ZNF665: variants seen among roughly 807,000 people sequenced by gnomAD.
ZNF665 encodes zinc finger protein 665.
ZNF665 carries 6 observed loss-of-function variants against 7.9 expected under a neutral mutation model. The observed-to-expected ratio is 0.76, with a 90% CI of 0.42 to 1.50. The LOEUF (loss-of-function observed/expected upper bound fraction) is 1.50, where lower values mean the gene tolerates loss of function less well. ZNF665 is among the 40% of genes most tolerant of loss of function. The pLI, the probability that ZNF665 is intolerant of heterozygous loss-of-function variation, is 0.01. For synonymous variants in ZNF665, 242 were observed against 274.5 expected, an observed-to-expected ratio of 0.88 and a Z score of 1.17; for missense variants, 819 against 806.7, an observed-to-expected ratio of 1.02 and a Z score of -0.18.
rs1314008744 is a variant in ZNF665 at position 53,165,746 on chromosome 19, G to T, written c.744C>A (p.Asn248Lys). 1.9e-6 allele frequency: 3 copies of T among 1,614,058 alleles called. No individual in the cohort carries two copies. Among genetic ancestry groups the T allele is most frequent in the South Asian group, 2.2e-5 (2 of 91,080 alleles). ...TATGAATTCTCTGATGACCTGCAAG[G>T]TTTGAAGGTTGACTGAAGACCTTTC... ...ECGKVFSQPSNLAGHQRIHTG... is the reference protein window; with the variant it reads ...ECGKVFSQPSKLAGHQRIHTG... The change falls in exon 4 of 4, where the codon AAC becomes AAA. Residue 248 changes from asparagine to lysine, a missense_variant. Transcript: ENST00000396424.
intron 1 of ZNF665, among the ~76,000 whole-genome samples, chr19:53,184,494 C>T (rs1297272693): frequency 6.6e-6 from 1 of 152,086 alleles, no homozygotes; most frequent in Non-Finnish European, 1.5e-5. Flanking sequence ...GCCTGTTCCA[C>T]CTCCCAGCAG....
At chr19:53,179,793 G>A (rs543073537) in intron 2 of ZNF665, 10 of 152,256 alleles carry the variant, frequency 6.6e-5, no homozygotes, top group African/African-American at 2.4e-4. Flanking sequence ...ACTGGGAACT[G>A]AGCCATCAAT....
chr19:53,171,283 G>C (rs2090654962), intron 3 of ZNF665, among the ~76,000 whole-genome samples: 1 of 151,912 alleles, frequency 6.6e-6, no homozygotes, highest in Non-Finnish European at 1.5e-5. Context: ...ACCGCATGCG[G>C]CAAGAGATCA....
intron 3 of ZNF665, among the ~76,000 whole-genome samples, chr19:53,168,925 C>T (rs1175143685): frequency 1.3e-5 from 2 of 151,964 alleles, no homozygotes; most frequent in Admixed American, 6.6e-5. Flanking sequence ...TACCTCATTC[C>T]ATATAGAAAA....
intron 2 of ZNF665, among the ~76,000 whole-genome samples, chr19:53,179,247 A>G (rs555915461): frequency 7.9e-4 from 120 of 151,906 alleles, no homozygotes; most frequent in African/African-American, 1.8e-3. Context: ...GTGGTGGCGG[A>G]CGCCTGTAGT....
chr19:53,165,541 G>C lies in ZNF665; in HGVS notation c.949C>G (p.Pro317Ala), dbSNP rs780253052. 8.1e-6 allele frequency: 13 copies of C among 1,614,018 alleles called. No homozygotes were observed. In the East Asian group the frequency reaches 8.9e-5, roughly 11 times the overall value. Residue 317 changes from proline (P) to alanine (A), a missense_variant, in exon 4 of 4, where the codon CCT becomes GCT. Physicochemically the swap from Pro to Ala is conservative, Grantham distance 27. Transcript: ENST00000396424. Reference protein sequence around the residue: ...SHRRIHTGEKPYKCNECGKAF... With the variant: ...SHRRIHTGEKAYKCNECGKAF... ...TTGCCACACTCATTACACTTGTAAG[G>C]CTTCTCCCCAGTATGAATTCTTCGA... is the stretch of plus-strand genomic sequence containing the variant.
chr19:53,165,545 C>T lies in ZNF665; in HGVS notation c.945G>A (p.Glu315=), dbSNP rs751860749. The T allele has an allele frequency of 1.4e-5, 22 of 1,614,014 alleles. No individual in the cohort carries two copies. Among genetic ancestry groups the T allele is most frequent in the East Asian group, 6.7e-5 (3 of 44,872 alleles). The change falls in exon 4 of 4, where the codon GAG becomes GAA. Residue 315 remains glutamate (E), a synonymous_variant. Transcript: ENST00000396424. ...LASHRRIHTG[E]KPYKCNECGK... ...CACACTCATTACACTTGTAAGGCTT[C>T]TCCCCAGTATGAATTCTTCGATGAC...
Position 53,193,331 on chromosome 19 carries a change from A to C in ZNF665, c.-65T>G, listed in dbSNP as rs983742295. On this transcript the variant is annotated 5_prime_UTR_variant, in exon 1 of 4. Transcript: ENST00000396424. Reference sequence around the variant, plus strand: ...ACTCACGCGGCGACTAACAGCCTTCACTCCAAGAGATCTGCTTCCGGGTTT... The same window carrying C: ...ACTCACGCGGCGACTAACAGCCTTCCCTCCAAGAGATCTGCTTCCGGGTTT... The C allele has an allele frequency of 6.6e-6, 1 of 151,288 alleles. No homozygotes were observed. The highest frequency in any genetic ancestry group is 1.5e-5 in the Non-Finnish European group (1 of 68,046). 9.4% of individuals were successfully genotyped at this position (151,288 alleles called of 1,614,324 possible).
At position 53,165,628 on chromosome 19, in the gene ZNF665, T is replaced by C. The variant is rs372388084; in HGVS notation, c.862A>G (p.Lys288Glu). The C allele has an allele frequency of 2.5e-5, 41 of 1,614,062 alleles. No individual in the cohort carries two copies. The African/African-American group carries it at 5.2e-4, about 20-fold the overall frequency. Residue 288 changes from lysine to glutamate, a missense_variant, in exon 4 of 4, where the codon AAA becomes GAA. Transcript: ENST00000396424. ...CCACATTCCTTACATTTGTAAGGTTTTTCTCCAGTATGGATGACCTGATGT... is the reference window on the plus strand; with the variant it reads ...CCACATTCCTTACATTTGTAAGGTTCTTCTCCAGTATGGATGACCTGATGT... ...TTHQVIHTGE[K>E]PYKCKECGKC...
intron 2 of ZNF665, chr19:53,179,669 T>C (rs1301660306): frequency 6.6e-6 from 1 of 152,100 alleles, no homozygotes; most frequent in Non-Finnish European, 1.5e-5. Context: ...TAAAACTGAG[T>C]GTTTCTCTGA....
chr19:53,172,728 G>A (rs984942076), intron 3 of ZNF665, among the ~76,000 whole-genome samples: 5 of 151,256 alleles, frequency 3.3e-5, no homozygotes, highest in Admixed American at 3.3e-4. Flanking sequence ...GGGAGGCTGA[G>A]GCAGGAGAAT....
intron 3 of ZNF665, among the ~76,000 whole-genome samples, chr19:53,167,492 T>C (rs1344317063): frequency 2.7e-5 from 4 of 150,410 alleles, no homozygotes; most frequent in Non-Finnish European, 4.4e-5. Context: ...TCTCGCTTTG[T>C]CACCCAGGCA....
Position 53,166,070 on chromosome 19 carries a change from C to T in ZNF665, c.420G>A (p.Gln140=), listed in dbSNP as rs1168321712. The change falls in exon 4 of 4, where the codon CAG becomes CAA. Residue 140 remains glutamine (Q), a synonymous_variant. Transcript: ENST00000396424. ...RAAGNRHIEN[Q]LGVSFQSHLP... is the part of the protein sequence containing the mutation. Reference sequence around the variant, plus strand: ...GATGTGACTGAAAGCTTACTCCAAGCTGATTTTCAATATGCCTGTTTCCTG... The same window carrying T: ...GATGTGACTGAAAGCTTACTCCAAGTTGATTTTCAATATGCCTGTTTCCTG... 6.2e-7 allele frequency: 1 copy of T among 1,614,134 alleles called. No homozygotes were observed. Among genetic ancestry groups the T allele is most frequent in the East Asian group, 2.2e-5 (1 of 44,884 alleles).
At chr19:53,189,881 G>A (rs527964592) in intron 1 of ZNF665, among the ~76,000 whole-genome samples, 12 of 152,190 alleles carry the variant, frequency 7.9e-5, no homozygotes, top group South Asian at 4.2e-4. Flanking sequence ...CTTCCCAGAC[G>A]CTGGCGTCAC....
Position 53,165,962 on chromosome 19 carries a change from TTTTCCTC to T in ZNF665, c.521_527del (p.Arg174HisfsTer18). 1 of 1,613,840 alleles carries T rather than the reference TTTTCCTC, an allele frequency of 6.2e-7. No homozygotes were observed. The highest frequency in any genetic ancestry group is 8.5e-7 in the Non-Finnish European group (1 of 1,179,810). ...TGCCACATTCATCACATTTATAATGTTTTCCTCGATTATTAGGAGACTTCTCAACTTG... is the reference window on the plus strand; with the variant it reads ...TGCCACATTCATCACATTTATAATGTGATTATTAGGAGACTTCTCAACTTG... On this transcript the variant is annotated frameshift_variant, in exon 4 of 4. Coordinates refer to ENST00000396424, the MANE Select transcript of ZNF665 (RefSeq NM_024733.5). LOFTEE classifies it low-confidence loss of function (END_TRUNC).
intron 3 of ZNF665, among the ~76,000 whole-genome samples, chr19:53,168,575 T>C (rs1006608012): frequency 6.6e-6 from 1 of 152,192 alleles, no homozygotes; most frequent in Admixed American, 6.5e-5. Flanking sequence ...AATTCCAGCA[T>C]GTATTTTTTG....
intron 1 of ZNF665, among the ~76,000 whole-genome samples, chr19:53,183,400 T>C (rs1438066962): frequency 1.3e-5 from 2 of 152,174 alleles, no homozygotes; most frequent in Non-Finnish European, 2.9e-5. Flanking sequence ...TAAATGTCAC[T>C]GAAGCTGGGC....
At chr19:53,176,602 A>G (rs1293646872) in intron 2 of ZNF665, among the ~76,000 whole-genome samples, 1 of 152,208 alleles carries the variant, frequency 6.6e-6, no homozygotes, top group East Asian at 1.9e-4. Flanking sequence ...GAGAAACCCA[A>G]GCCACAATCT....
intron 3 of ZNF665, among the ~76,000 whole-genome samples, chr19:53,171,504 G>GTATATATATATATATA (rs1555804176): frequency 1.9e-4 from 11 of 57,774 alleles, no homozygotes; most frequent in East Asian, 1.7e-3. Context: ...GTGTGTGTGT[G>GTATATATATATATATA]TATATATATA....
Sources: allele counts gnomAD v4.1 joint callset (sites outside exome capture counted in the v4.1 genomes callset), GRCh38; gene constraint gnomAD v4.1.1; transcripts MANE v1.5; gene names NCBI Gene and HGNC (gene_info 2026-07-23, HGNC 2026-07-21).